MEMO1: variants seen among roughly 807,000 people sequenced by gnomAD.
MEMO1 encodes the protein mediator of cell motility 1.
MEMO1 carries 6 observed loss-of-function variants against 45.2 expected under a neutral mutation model. The observed-to-expected ratio is 0.13, with a 90% confidence interval of 0.07 to 0.26. The LOEUF (loss-of-function observed/expected upper bound fraction) is 0.26, where lower values mean the gene tolerates loss of function less well. MEMO1 is among the 10% of genes least tolerant of loss of function. MEMO1 has a pLI of 1.00. For synonymous variants in MEMO1, 78 were observed against 124.3 expected (o/e 0.63, Z 2.48); for missense variants, 184 against 370.5 (o/e 0.50, Z 4.13).
chr2:31,994,031 G>A (rs1246737585), intron 2 of MEMO1, among the ~76,000 whole-genome samples: 2 of 136,846 alleles, frequency 1.5e-5, no homozygotes, highest in Non-Finnish European at 3.0e-5. Flanking sequence ...CATGATCTCG[G>A]CTCACTGCAA....
chr2:31,921,756 G>A (rs1682337923), intron 4 of MEMO1, among the ~76,000 whole-genome samples: 2 of 151,960 alleles, frequency 1.3e-5, no homozygotes, highest in African/African-American at 2.4e-5. Context: ...CCATGGTAGG[G>A]TGAAAAAGGC....
intron 2 of MEMO1, among the ~76,000 whole-genome samples, chr2:31,969,476 C>G (rs1055496415): frequency 6.0e-5 from 9 of 151,142 alleles, no homozygotes; most frequent in African/African-American, 2.2e-4. Flanking sequence ...ATAATGATCT[C>G]ATTTTTATAG....
chr2:31,976,293 T>G (rs1377826837), intron 2 of MEMO1, among the ~76,000 whole-genome samples: 2 of 152,152 alleles, frequency 1.3e-5, no homozygotes, highest in African/African-American at 4.8e-5. Context: ...AGAATATATT[T>G]TCAGCCAGGC....
intron 2 of MEMO1, among the ~76,000 whole-genome samples, chr2:31,990,561 A>C (rs1671821228): frequency 6.8e-6 from 1 of 146,208 alleles, no homozygotes; most frequent in African/African-American, 2.5e-5. Context: ...AAGCCATCTA[A>C]ATTTTTTTTC....
intron 2 of MEMO1, among the ~76,000 whole-genome samples, chr2:31,959,053 T>C (rs1282525685): frequency 6.6e-6 from 1 of 152,176 alleles, no homozygotes; most frequent in African/African-American, 2.4e-5. Context: ...AGATGAATAA[T>C]AATACCAGTA....
At chr2:31,926,523 T>G (rs1683138928) in intron 4 of MEMO1, among the ~76,000 whole-genome samples, 1 of 152,144 alleles carries the variant, frequency 6.6e-6, no homozygotes, top group African/African-American at 2.4e-5. Context: ...AATTAATGAT[T>G]TTTTCTGATA....
intron 6 of MEMO1, among the ~76,000 whole-genome samples, chr2:31,908,158 G>A (rs1680034611): frequency 6.6e-6 from 1 of 152,096 alleles, no homozygotes; most frequent in Non-Finnish European, 1.5e-5. Flanking sequence ...AATGAAAGAA[G>A]CTCAGATTTG....
intron 6 of MEMO1, among the ~76,000 whole-genome samples, chr2:31,894,719 G>C (rs1194595538): frequency 6.6e-6 from 1 of 152,134 alleles, no homozygotes; most frequent in Non-Finnish European, 1.5e-5. Context: ...CAGAAAATTT[G>C]GGTACGTGCA....
intron 3 of MEMO1, 91 bp from the exon 4 acceptor site, chr2:31,932,226 G>A (rs1664268201): frequency 2.0e-6 from 2 of 1,019,190 alleles, no homozygotes; most frequent in Non-Finnish European, 3.0e-6. Context: ...CAGTACCTAT[G>A]GTAAACACAA....
intron 2 of MEMO1, among the ~76,000 whole-genome samples, chr2:32,000,927 C>T (rs1673224591): frequency 6.6e-6 from 1 of 152,018 alleles, no homozygotes; most frequent in Non-Finnish European, 1.5e-5. Flanking sequence ...CCCTGCTATA[C>T]ACCTAGTCCC....
Position 32,010,172 on chromosome 2 carries a change from G to T in MEMO1, c.61+15C>A. On this transcript the variant is annotated intron_variant, in intron 2 of 9. Transcript: ENST00000404530. ...CGGCGACGGCGGCGGGCGGGCCGGC[G>T]GCCTGGGGCCCTACCTGAGGCTGTG... The T allele has an allele frequency of 7.5e-7, 1 of 1,332,310 alleles. No individual in the cohort carries two copies. The highest frequency in any genetic ancestry group is 1.7e-5 in the South Asian group (1 of 60,476). 82.5% of individuals were successfully genotyped at this position (1,332,310 alleles called of 1,614,324 possible).
chr2:31,982,993 C>G (rs1471107367), intron 2 of MEMO1, among the ~76,000 whole-genome samples: 1 of 151,920 alleles, frequency 6.6e-6, no homozygotes, highest in African/African-American at 2.4e-5. Context: ...AATCCCAGCA[C>G]TTTGGGAGGC....
intron 3 of MEMO1, among the ~76,000 whole-genome samples, chr2:31,939,629 T>G (rs1328479215): frequency 6.6e-6 from 1 of 152,202 alleles, no homozygotes; most frequent in East Asian, 1.9e-4. Context: ...AATGAGAATG[T>G]CTCTCGTGAG....
intron 2 of MEMO1, among the ~76,000 whole-genome samples, chr2:31,944,500 G>A (rs1225550598): frequency 6.6e-6 from 1 of 152,172 alleles, no homozygotes; most frequent in East Asian, 1.9e-4. Flanking sequence ...CCTAAATTGA[G>A]AAGATAACTA....
At chr2:31,894,588 G>A (rs1198015701) in intron 6 of MEMO1, among the ~76,000 whole-genome samples, 1 of 152,126 alleles carries the variant, frequency 6.6e-6, no homozygotes, top group South Asian at 2.1e-4. Flanking sequence ...CTGCACGCAT[G>A]TACAGGGGAC....
chr2:31,888,689 T>C (rs1450663761), intron 7 of MEMO1, among the ~76,000 whole-genome samples: 2 of 152,064 alleles, frequency 1.3e-5, no homozygotes, highest in Non-Finnish European at 2.9e-5. Flanking sequence ...AAGGATGAAA[T>C]GAGGTGAAAC....
intron 6 of MEMO1, among the ~76,000 whole-genome samples, chr2:31,908,821 C>T (rs1270474412): frequency 6.6e-6 from 1 of 152,202 alleles, no homozygotes; most frequent in African/African-American, 2.4e-5. Flanking sequence ...AAGAGTTTAA[C>T]AGACTTGGAG....
At chr2:31,913,922 A>G (rs565297789) in intron 6 of MEMO1, among the ~76,000 whole-genome samples, 1 of 152,238 alleles carries the variant, frequency 6.6e-6, no homozygotes, top group Admixed American at 6.5e-5. Context: ...ATGCGGTTTG[A>G]CCAGTAGAAT....
intron 7 of MEMO1, among the ~76,000 whole-genome samples, chr2:31,889,739 T>C (rs1232581905): frequency 6.6e-6 from 1 of 152,090 alleles, no homozygotes; most frequent in Non-Finnish European, 1.5e-5. Context: ...TATTTCTCAA[T>C]AAGTAGTAGC....
Sources: gnomAD v4.1 joint callset for allele counts (sites outside exome capture counted in the v4.1 genomes callset) on GRCh38, gnomAD v4.1.1 for gene constraint, MANE v1.5 for transcripts, NCBI Gene and HGNC (gene_info 2026-07-23, HGNC 2026-07-21) for gene names.